Variants in RFT1 observed in about 807,000 individuals in gnomAD.
RFT1 encodes RFT1 glycolipid translocator homolog.
A neutral mutation model predicts 62.2 loss-of-function variants in RFT1; 43 were observed. That is an observed-to-expected ratio of 0.69 (90% CI 0.54 to 0.89). The LOEUF (loss-of-function observed/expected upper bound fraction) is 0.89. Among genes scored for constraint, RFT1 ranks in the 40% least tolerant of loss-of-function variants. The probability of loss-of-function intolerance (pLI) is 0.00; values close to 1 mark genes in which losing one functional copy is unlikely to be tolerated. For synonymous variants in RFT1, 262 were observed against 264.6 expected, an observed-to-expected ratio of 0.99 and a Z score of 0.10; for missense variants, 605 against 649.9, an observed-to-expected ratio of 0.93 and a Z score of 0.75.
At position 53,117,330 on chromosome 3, in the gene RFT1, C is replaced by T. The variant is rs183213918; in HGVS notation, c.696+2554G>A. Among the ~76,000 whole-genome samples the T allele has an allele frequency of 3.1e-3, 470 of 152,258 alleles. 1 individual carries two copies. The highest frequency in any genetic ancestry group is 5.6e-3 in the Admixed American group (85 of 15,286). On this transcript the variant is annotated intron_variant, in intron 6 of 12. Coordinates refer to ENST00000296292, the MANE Select transcript of RFT1 (RefSeq NM_052859.4). ...GTCTTCAGAGGGGCCTCACAGGTCA[C>T]GTAGGCCAACAATCTCACTTTAAAA...
At chr3:53,099,632 G>A in intron 10 of RFT1, 146 bp from the exon 11 acceptor site, 1 of 692,524 alleles carries the variant, frequency 1.4e-6, no homozygotes, top group South Asian at 1.5e-5. Flanking sequence ...TAGAGCCCAG[G>A]GTCTTAATAA....
chr3:53,119,850 T>C (rs777884997), intron 6 of RFT1, 34 bp downstream of exon 6: 1 of 1,563,680 alleles, frequency 6.4e-7, no homozygotes, highest in Non-Finnish European at 8.8e-7. Flanking sequence ...GCACCTATGA[T>C]TAAAATGATA....
At chr3:53,068,232 A>C in the RFT1 span, among the ~76,000 whole-genome samples, 1 of 151,866 alleles carries the variant, frequency 6.6e-6, no homozygotes, top group African/African-American at 2.4e-5. Context: ...CAGCCCATCC[A>C]CTTCTCCCTT....
intron 6 of RFT1, among the ~76,000 whole-genome samples, chr3:53,116,286 C>A (rs1701788890): frequency 7.7e-6 from 1 of 129,234 alleles, no homozygotes; most frequent in Non-Finnish European, 1.6e-5. Flanking sequence ...AGAATCATCT[C>A]ATTTCTTTTT....
the RFT1 span, among the ~76,000 whole-genome samples, chr3:53,069,246 A>G: frequency 0.51 from 77,577 of 152,162 alleles, 20,861 homozygotes; most frequent in East Asian, 0.71. Context: ...AGACTGTGTT[A>G]GGTGACTTTG....
chr3:53,102,866 C>G (rs1429680290), intron 10 of RFT1, among the ~76,000 whole-genome samples: 1 of 152,200 alleles, frequency 6.6e-6, no homozygotes, highest in Non-Finnish European at 1.5e-5. Flanking sequence ...TGAGGCAACG[C>G]CCTGTGATTG....
At chr3:53,103,798 T>A (rs563292911) in intron 10 of RFT1, 155 bp downstream of exon 10, 1 of 911,094 alleles carries the variant, frequency 1.1e-6, no homozygotes, top group Non-Finnish European at 1.8e-6. Context: ...GTGTCTGGAG[T>A]TGAACGAGGG....
At chr3:53,096,676 CTT>C (rs907723024) in intron 11 of RFT1, among the ~76,000 whole-genome samples, 2 of 151,956 alleles carry the variant, frequency 1.3e-5, no homozygotes, top group Non-Finnish European at 2.9e-5. Flanking sequence ...GAGCGAGACT[CTT>C]GTCTCAAAAA....
chr3:53,125,792 T>C lies in RFT1; in HGVS notation c.149+117A>G, dbSNP rs1203078193. 4 of 790,030 alleles carry C rather than the reference T, an allele frequency of 5.1e-6. No individual in the cohort carries two copies. The African/African-American group carries it at 6.9e-5, about 14-fold the overall frequency. The allele number at this position is 790,030 out of a possible 1,614,324, so 48.9% of individuals were successfully genotyped here. On this transcript the variant is annotated intron_variant, in intron 2 of 12. Coordinates refer to ENST00000296292, the MANE Select transcript of RFT1 (RefSeq NM_052859.4). ...TCCTCAGCCTACTGCTAAGACATTC[T>C]GCTTCTGATAAAGGTCCATGCTTCT...
At chr3:53,128,885 C>T (rs541902444) in intron 1 of RFT1, among the ~76,000 whole-genome samples, 37 of 152,306 alleles carry the variant, frequency 2.4e-4, no homozygotes, top group African/African-American at 7.2e-4. Context: ...GAGGTAAATG[C>T]ACAGGAAGCA....
chr3:53,092,616 T>G lies in RFT1; in HGVS notation c.1211A>C (p.Tyr404Ser). 1 of 1,610,156 alleles carries G rather than the reference T, an allele frequency of 6.2e-7. No individual in the cohort carries two copies. The highest frequency in any genetic ancestry group is 8.5e-7 in the Non-Finnish European group (1 of 1,178,544). The change falls in exon 12 of 13, where the codon TAC (tyrosine) becomes TCC (serine). Residue 404 changes from tyrosine to serine, a missense_variant and splice_region_variant. Transcript: ENST00000296292. ...AAMSKEEVDR[Y>S]NFVMLALSSS... ...GGACAGGGCCAGCATCACAAAATTGTACCTGGGGAGGAGACAGGAAAAGGA... is the reference window on the plus strand; with the variant it reads ...GGACAGGGCCAGCATCACAAAATTGGACCTGGGGAGGAGACAGGAAAAGGA...
rs912830143 is a variant in RFT1, at chr3:53,090,884, C to T, written c.*1019G>A. Reference sequence around the variant, plus strand: ...ACACTGTAGCCTGGAGTACCAGGCCCCCATGCCTGCCACTCTTGTCCTGGG... The same window carrying T: ...ACACTGTAGCCTGGAGTACCAGGCCTCCATGCCTGCCACTCTTGTCCTGGG... On this transcript the variant is annotated 3_prime_UTR_variant, in exon 13 of 13. Coordinates refer to ENST00000296292, the MANE Select transcript of RFT1 (RefSeq NM_052859.4). 10 of 152,364 alleles carry T rather than the reference C, an allele frequency of 6.6e-5. No homozygotes were observed. Among genetic ancestry groups the T allele is most frequent in the African/African-American group, 2.2e-4 (9 of 41,568 alleles). 9.4% of individuals were successfully genotyped at this position (152,364 alleles called of 1,614,324 possible).
chr3:53,090,864 G>T lies in RFT1; in HGVS notation c.*1039C>A, dbSNP rs879433277. 5 of 152,224 alleles carry T rather than the reference G, an allele frequency of 3.3e-5. No homozygotes were observed. Among genetic ancestry groups the T allele is most frequent in the Non-Finnish European group, 5.9e-5 (4 of 68,064 alleles). The allele number at this position is 152,224 out of a possible 1,614,324, so 9.4% of individuals were successfully genotyped here. ...GGTGCAGAACACCTGGGCTCACACT[G>T]TAGCCTGGAGTACCAGGCCCCCATG... On this transcript the variant is annotated 3_prime_UTR_variant, in exon 13 of 13. Transcript: ENST00000296292.
the RFT1 span, among the ~76,000 whole-genome samples, chr3:53,075,309 G>GTGCTCCA: frequency 2.6e-5 from 4 of 152,226 alleles, no homozygotes; most frequent in African/African-American, 9.6e-5. Context: ...GCCATTTGGA[G>GTGCTCCA]TGCTCCATGC....
intron 10 of RFT1, among the ~76,000 whole-genome samples, chr3:53,101,328 G>A (rs1701307400): frequency 6.6e-6 from 1 of 152,184 alleles, no homozygotes; most frequent in African/African-American, 2.4e-5. Flanking sequence ...TCAAGGCTAT[G>A]CTCAAGTGTG....
chr3:53,071,494 A>T, the RFT1 span, among the ~76,000 whole-genome samples: 1,748 of 152,248 alleles, frequency 0.011, 30 homozygotes, highest in African/African-American at 0.04. Flanking sequence ...AGGTTTCAGC[A>T]CACTGGCCCC....
At position 53,091,868 on chromosome 3, in the gene RFT1, G is replaced by A; in HGVS notation, c.*35C>T. ...CCACCCACAGAACTACCCATAGCTG[G>A]TCCAGGTGCCTCGGGTGTCCAGGCT... On this transcript the variant is annotated 3_prime_UTR_variant, in exon 13 of 13. Coordinates refer to ENST00000296292, the MANE Select transcript of RFT1 (RefSeq NM_052859.4). 6.2e-7 allele frequency: 1 copy of A among 1,610,082 alleles called. No homozygotes were observed. Among genetic ancestry groups the A allele is most frequent in the Non-Finnish European group, 8.5e-7 (1 of 1,176,746 alleles).
Position 53,105,776 on chromosome 3 carries a change from C to G in RFT1, c.854G>C (p.Gly285Ala). ...GAAAATTAATCTGGCCACAAGGGAG[C>G]CAAGATTATTCACTATATCATACAC... ...QGVYDIVNNL[G>A]SLVARLIFQP... Residue 285 changes from glycine to alanine, a missense_variant, in exon 9 of 13, where the codon GGC (glycine) becomes GCC (alanine). Coordinates refer to ENST00000296292, the MANE Select transcript of RFT1 (RefSeq NM_052859.4). 6.2e-7 allele frequency: 1 copy of G among 1,613,558 alleles called. No individual in the cohort carries two copies. The highest frequency in any genetic ancestry group is 8.5e-7 in the Non-Finnish European group (1 of 1,179,686).
chr3:53,114,793 C>T (rs777329160), intron 6 of RFT1, among the ~76,000 whole-genome samples: 1 of 152,118 alleles, frequency 6.6e-6, no homozygotes. Context: ...GATGGTAACT[C>T]CAGGGAAGGT....
Sources: allele counts gnomAD v4.1 joint callset (sites outside exome capture counted in the v4.1 genomes callset), GRCh38; gene constraint gnomAD v4.1.1; transcripts MANE v1.5; gene names NCBI Gene and HGNC (gene_info 2026-07-23, HGNC 2026-07-21).